Variants in ITPK1 observed in about 807,000 individuals in gnomAD.
ITPK1 encodes the protein inositol-tetrakisphosphate 1-kinase.
A neutral mutation model predicts 45.3 loss-of-function variants in ITPK1; 21 were observed. The observed-to-expected ratio is 0.46, with a 90% CI of 0.33 to 0.67. The LOEUF (loss-of-function observed/expected upper bound fraction) is 0.67. Ranked by LOEUF, ITPK1 falls within the 30% of genes least tolerant of loss-of-function variation. The pLI, the probability that ITPK1 is intolerant of heterozygous loss-of-function variation, is 0.02. For synonymous variants in ITPK1, 258 were observed against 253.6 expected, an observed-to-expected ratio of 1.02 and a Z score of -0.16; for missense variants, 474 against 573.5, an observed-to-expected ratio of 0.83 and a Z score of 1.77.
intron 5 of ITPK1, among the ~76,000 whole-genome samples, chr14:92,985,964 T>C (rs1209992315): frequency 4.6e-5 from 7 of 152,324 alleles, no homozygotes; most frequent in Middle Eastern, 6.8e-3. Context: ...TGCACACAGC[T>C]GGGTGTTTAG....
intron 2 of ITPK1, among the ~76,000 whole-genome samples, chr14:93,094,522 G>A (rs1891989439): frequency 6.6e-6 from 1 of 152,174 alleles, no homozygotes; most frequent in Non-Finnish European, 1.5e-5. Flanking sequence ...TGCATGCCCT[G>A]TGCTGGGTGC....
chr14:92,971,068 C>A (rs1415918165), intron 5 of ITPK1, among the ~76,000 whole-genome samples: 1 of 152,280 alleles, frequency 6.6e-6, no homozygotes, highest in East Asian at 1.9e-4. Flanking sequence ...AAGACTCCTG[C>A]TTATCCTCCA....
chr14:93,051,994 C>G (rs78841726), intron 3 of ITPK1, among the ~76,000 whole-genome samples: 116 of 152,326 alleles, frequency 7.6e-4, no homozygotes, highest in African/African-American at 2.7e-3. Context: ...CATCTTCACC[C>G]TTTTGTAGCT....
At position 93,036,414 on chromosome 14, in the gene ITPK1, G is replaced by C. The variant is rs1889321717; in HGVS notation, c.121-19613C>G. On this transcript the variant is annotated intron_variant, in intron 3 of 10. Coordinates refer to ENST00000267615, the MANE Select transcript of ITPK1 (RefSeq NM_014216.6). The surrounding 1 kb of genome is among the most constrained non-coding windows in gnomAD (Gnocchi z 4.1). ...GATGCTGAGAGAACAAATGTGACAGGCTCCTCAGTATTCACGGCTGCTTTC... is the reference window on the plus strand; with the variant it reads ...GATGCTGAGAGAACAAATGTGACAGCCTCCTCAGTATTCACGGCTGCTTTC... Among the ~76,000 whole-genome samples the C allele has an allele frequency of 6.6e-6, 1 of 152,186 alleles. No homozygotes were observed. The highest frequency in any genetic ancestry group is 2.4e-5 in the African/African-American group (1 of 41,432).
rs1887945774 is a variant in ITPK1, at chr14:93,012,193, C to T, written c.246+4483G>A. Among the ~76,000 whole-genome samples the T allele has an allele frequency of 6.6e-6, 1 of 152,232 alleles. No homozygotes were observed. Among genetic ancestry groups the T allele is most frequent in the African/African-American group, 2.4e-5 (1 of 41,468 alleles). ...GGCACTGCAGGCGGCAATGGGAACACCAGCTGCTGGGAGCAGACACAATCC... is the reference window on the plus strand; with the variant it reads ...GGCACTGCAGGCGGCAATGGGAACATCAGCTGCTGGGAGCAGACACAATCC... On this transcript the variant is annotated intron_variant, in intron 4 of 10. Coordinates refer to ENST00000267615, the MANE Select transcript of ITPK1 (RefSeq NM_014216.6). The surrounding 1 kb of genome is among the most constrained non-coding windows in gnomAD (Gnocchi z 4.9).
At chr14:93,105,591 G>A (rs1484940860) in intron 2 of ITPK1, among the ~76,000 whole-genome samples, 2 of 149,406 alleles carry the variant, frequency 1.3e-5, no homozygotes, top group African/African-American at 5.0e-5. Flanking sequence ...ACGCAATCTC[G>A]GCTCACCACA....
Position 93,113,036 on chromosome 14 carries a change from T to A in ITPK1, c.95+2033A>T, listed in dbSNP as rs549751037. Among the ~76,000 whole-genome samples the A allele has an allele frequency of 1.4e-4, 21 of 151,926 alleles. No individual in the cohort carries two copies. In the East Asian group the frequency reaches 4.0e-3, roughly 29 times the overall value. On this transcript the variant is annotated intron_variant, in intron 2 of 10. Transcript: ENST00000267615. The stretch of plus-strand genomic sequence containing the variant: ...AGTAATAAATAAGAAACGGAAAAAC[T>A]CTTTGGTGTTTTCTTTTCCTTCTTA...
At chr14:92,994,123 G>T in intron 4 of ITPK1, 126 bp from the exon 5 acceptor site, 1 of 658,888 alleles carries the variant, frequency 1.5e-6, no homozygotes, top group South Asian at 1.8e-5. Context: ...GTGGAGGGTG[G>T]TGCATTCCAG....
In ITPK1 at chr14:93,076,526, G is replaced by A. The variant is rs1422091857; in HGVS notation, c.120+69C>T. 6.5e-7 allele frequency: 1 copy of A among 1,543,072 alleles called. No homozygotes were observed. The highest frequency in any genetic ancestry group is 9.0e-7 in the Non-Finnish European group (1 of 1,116,330). ...CGTGCCCAATGCTGGAGGAGAGAAGGAGAGACAGAGAGGTGGGCACCAAGG... is the reference window on the plus strand; with the variant it reads ...CGTGCCCAATGCTGGAGGAGAGAAGAAGAGACAGAGAGGTGGGCACCAAGG... On this transcript the variant is annotated intron_variant, in intron 3 of 10. Coordinates refer to ENST00000267615, the MANE Select transcript of ITPK1 (RefSeq NM_014216.6). This position sits in a 1 kb window ranked among gnomAD's most constrained non-coding sequence, Gnocchi z 4.3.
intron 4 of ITPK1, among the ~76,000 whole-genome samples, chr14:93,011,311 T>C (rs1887894405): frequency 6.6e-6 from 1 of 152,232 alleles, no homozygotes; most frequent in Non-Finnish European, 1.5e-5. Context: ...TGTCTATCCC[T>C]GTGGCGAAGC....
At chr14:92,955,481 AC>A (rs1184385094) in intron 8 of ITPK1, among the ~76,000 whole-genome samples, 2 of 152,202 alleles carry the variant, frequency 1.3e-5, no homozygotes, top group African/African-American at 4.8e-5. Flanking sequence ...GAGCAAAGGA[AC>A]CCGCTAATCT....
At chr14:93,048,714 C>G (rs1194768398) in intron 3 of ITPK1, among the ~76,000 whole-genome samples, 1 of 152,260 alleles carries the variant, frequency 6.6e-6, no homozygotes, top group East Asian at 1.9e-4. Flanking sequence ...TTTGGGAGGC[C>G]AAGGTGGGTG....
chr14:92,952,928 C>T (rs887219848), intron 8 of ITPK1, among the ~76,000 whole-genome samples: 1 of 152,256 alleles, frequency 6.6e-6, no homozygotes, highest in Non-Finnish European at 1.5e-5. Context: ...TGTCTGTCAC[C>T]ATCCCACGAC....
intron 4 of ITPK1, among the ~76,000 whole-genome samples, chr14:93,005,562 T>C (rs1248928180): frequency 6.6e-6 from 1 of 151,992 alleles, no homozygotes; most frequent in Non-Finnish European, 1.5e-5. Context: ...CCTCCAACAC[T>C]CTGTGACTCC....
In ITPK1 at chr14:93,016,775, C is replaced by T; in HGVS notation, c.147G>A (p.Glu49=). Reference sequence around the variant, plus strand: ...GGATGATGACGTCCAGGGGGCCCTGCTCCTCGATCGGCCGGCTAAGGTTCA... The same window carrying T: ...GGATGATGACGTCCAGGGGGCCCTGTTCCTCGATCGGCCGGCTAAGGTTCA... ...VQLNLSRPIE[E]QGPLDVIIHK... The change falls in exon 4 of 11, where the codon GAG becomes GAA. Residue 49 remains glutamate, a synonymous_variant. Coordinates refer to ENST00000267615, the MANE Select transcript of ITPK1 (RefSeq NM_014216.6). The surrounding 1 kb of genome is among the most constrained non-coding windows in gnomAD (Gnocchi z 5.0). 6.2e-7 allele frequency: 1 copy of T among 1,614,140 alleles called. No individual in the cohort carries two copies.
intron 3 of ITPK1, among the ~76,000 whole-genome samples, chr14:93,057,641 T>C (rs1890262103): frequency 6.6e-6 from 1 of 152,212 alleles, no homozygotes; most frequent in Non-Finnish European, 1.5e-5. Flanking sequence ...CATGAGATCC[T>C]ATCAGCTGTC....
At chr14:92,998,384 A>ATGCC (rs771734903) in intron 4 of ITPK1, among the ~76,000 whole-genome samples, 3 of 152,166 alleles carry the variant, frequency 2.0e-5, no homozygotes, top group Non-Finnish European at 2.9e-5. Flanking sequence ...CCTCCTGCTG[A>ATGCC]TGCCTGGGGT....
chr14:93,012,764 A>T lies in ITPK1; in HGVS notation c.246+3912T>A, dbSNP rs1201022444. ...GACAATTACCGTCCTTCCAGCTGAT[A>T]AAGACAGGGCAAAGGCAGCAGTTGA... On this transcript the variant is annotated intron_variant, in intron 4 of 10. Coordinates refer to ENST00000267615, the MANE Select transcript of ITPK1 (RefSeq NM_014216.6). The surrounding 1 kb of genome is among the most constrained non-coding windows in gnomAD (Gnocchi z 4.9). Among the ~76,000 whole-genome samples the T allele has an allele frequency of 6.6e-6, 1 of 152,166 alleles. No individual in the cohort carries two copies. The highest frequency in any genetic ancestry group is 2.4e-5 in the African/African-American group (1 of 41,430).
intron 3 of ITPK1, among the ~76,000 whole-genome samples, chr14:93,028,295 C>A (rs1888850980): frequency 6.6e-6 from 1 of 152,222 alleles, no homozygotes; most frequent in Non-Finnish European, 1.5e-5. Flanking sequence ...TGAGTCACTG[C>A]TTGGAGAGGC....
Sources: gnomAD v4.1 joint callset for allele counts (sites outside exome capture counted in the v4.1 genomes callset) on GRCh38, gnomAD v4.1.1 for gene constraint, Gnocchi (gnomAD v3.1) non-coding constraint, MANE v1.5 for transcripts, NCBI Gene and HGNC (gene_info 2026-07-23, HGNC 2026-07-21) for gene names.